GARIN3: variants seen among roughly 807,000 people sequenced by gnomAD.
The protein encoded by GARIN3 is golgi associated RAB2 interactor family member 3.
chr5:157,164,564 C>A, the GARIN3 span, among the ~76,000 whole-genome samples: 1 of 152,192 alleles, frequency 6.6e-6, no homozygotes, highest in East Asian at 1.9e-4. Flanking sequence ...TGATACAATT[C>A]CTCATCCTTG....
At chr5:157,163,250 C>G in the GARIN3 span, 1 of 1,614,184 alleles carries the variant, frequency 6.2e-7, no homozygotes, top group Non-Finnish European at 8.5e-7. Context: ...CTAATACCCT[C>G]TGAGGATATG....
chr5:157,165,747 C>T, the GARIN3 span: 14 of 1,614,102 alleles, frequency 8.7e-6, no homozygotes, highest in African/African-American at 1.3e-5. Context: ...GAGTTTCAGG[C>T]GCAGCTGCTG....
the GARIN3 span, among the ~76,000 whole-genome samples, chr5:157,165,172 G>T: frequency 7.5e-4 from 114 of 152,270 alleles, no homozygotes; most frequent in African/African-American, 2.0e-3. Flanking sequence ...TCACCAGTAT[G>T]CAATATAGTC....
At chr5:157,162,909 A>G in the GARIN3 span, 3 of 1,614,138 alleles carry the variant, frequency 1.9e-6, no homozygotes, top group Non-Finnish European at 2.5e-6. Context: ...TCCTGCGGTG[A>G]CTTTCACCTG....
the GARIN3 span, chr5:157,162,837 C>A: frequency 6.2e-7 from 1 of 1,614,160 alleles, no homozygotes; most frequent in Non-Finnish European, 8.5e-7. Context: ...TGTCATCTCT[C>A]GTGTTTTTAT....
At chr5:157,165,610 T>G in the GARIN3 span, 75 of 1,614,028 alleles carry the variant, frequency 4.6e-5, 1 homozygote, top group African/African-American at 8.3e-4. Context: ...GATAGAAGTG[T>G]TGGGGTACTG....
chr5:157,162,488 C>T, the GARIN3 span: 24 of 1,613,990 alleles, frequency 1.5e-5, no homozygotes, highest in East Asian at 4.5e-5. Flanking sequence ...TCCGTCTTCT[C>T]GGATGTCATA....
At chr5:157,164,014 G>A in the GARIN3 span, among the ~76,000 whole-genome samples, 7 of 151,462 alleles carry the variant, frequency 4.6e-5, no homozygotes, top group East Asian at 1.9e-4. Flanking sequence ...CCAAGACTGC[G>A]CCACTCCACT....
At chr5:157,165,184 C>A in the GARIN3 span, among the ~76,000 whole-genome samples, 1 of 152,154 alleles carries the variant, frequency 6.6e-6, no homozygotes. Context: ...AATATAGTCA[C>A]ACACACAAAG....
At chr5:157,163,463 C>T in the GARIN3 span, 4 of 1,614,234 alleles carry the variant, frequency 2.5e-6, no homozygotes, top group East Asian at 2.2e-5. Flanking sequence ...ACTGCCATGC[C>T]ACCTGCTGTC....
At chr5:157,162,152 G>A in the GARIN3 span, 1 of 422,102 alleles carries the variant, frequency 2.4e-6, no homozygotes, top group East Asian at 4.4e-5. Context: ...CAGTCTCGGG[G>A]AAGCAAAAGG....
At chr5:157,162,892 C>G in the GARIN3 span, 2 of 1,614,170 alleles carry the variant, frequency 1.2e-6, no homozygotes, top group East Asian at 4.5e-5. Flanking sequence ...ATTCTTGTCC[C>G]CCGCTCTCCT....
chr5:157,163,665 C>T, the GARIN3 span: 2 of 1,606,556 alleles, frequency 1.2e-6, no homozygotes, highest in Admixed American at 1.7e-5. Flanking sequence ...CAGCCTATAC[C>T]AAGGGGAAGA....
the GARIN3 span, chr5:157,163,175 C>T: frequency 2.5e-5 from 40 of 1,613,918 alleles, no homozygotes; most frequent in Middle Eastern, 3.3e-4. Flanking sequence ...GAGAGACTGG[C>T]GGCCCCCGCC....
chr5:157,162,769 C>G, the GARIN3 span: 1 of 1,614,206 alleles, frequency 6.2e-7, no homozygotes, highest in Non-Finnish European at 8.5e-7. Flanking sequence ...GTGGGTGGAG[C>G]TCTTGCGAGA....
the GARIN3 span, chr5:157,162,778 G>C: frequency 6.2e-7 from 1 of 1,614,240 alleles, no homozygotes; most frequent in Non-Finnish European, 8.5e-7. Context: ...GCTCTTGCGA[G>C]AGGAGCCATG....
chr5:157,162,136 C>A, the GARIN3 span: 1 of 381,656 alleles, frequency 2.6e-6, no homozygotes, highest in Non-Finnish European at 4.7e-6. Context: ...TAGTCTGTGG[C>A]TTTGACAGTC....
chr5:157,165,900 G>A, the GARIN3 span: 1 of 1,614,142 alleles, frequency 6.2e-7, no homozygotes. Context: ...AGTTGGTTGG[G>A]CCAGAACCAT....
At chr5:157,165,450 T>G in the GARIN3 span, 974 of 1,482,686 alleles carry the variant, frequency 6.6e-4, 12 homozygotes, top group African/African-American at 0.011. Flanking sequence ...CCCTTGCACA[T>G]GCAATACTTT....
Sources: gnomAD v4.1 joint callset for allele counts (sites outside exome capture counted in the v4.1 genomes callset) on GRCh38, gnomAD v4.1.1 for gene constraint, MANE v1.5 for transcripts, NCBI Gene and HGNC (gene_info 2026-07-23, HGNC 2026-07-21) for gene names.